Variants in SLCO3A1 observed in about 807,000 individuals in gnomAD.
The protein encoded by SLCO3A1 is PGE1 transporter.
Under a neutral mutation model 63.1 loss-of-function variants are expected in SLCO3A1, and 27 were observed. That is an observed-to-expected ratio of 0.43 (90% CI 0.32 to 0.59). SLCO3A1 has a LOEUF of 0.59. Ranked by LOEUF, SLCO3A1 falls within the 20% of genes least tolerant of loss-of-function variation. SLCO3A1 has a pLI of 0.09. For missense variants in SLCO3A1, 773 were observed against 945.8 expected (o/e 0.82, Z 2.40); for synonymous variants, 473 against 409.9 (o/e 1.15, Z -1.86).
chr15:92,114,560 G>T (rs899039207), intron 4 of SLCO3A1, among the ~76,000 whole-genome samples: 2 of 152,108 alleles, frequency 1.3e-5, no homozygotes, highest in African/African-American at 4.8e-5. Context: ...TCTCCTAGGG[G>T]TCACCCCACC....
At chr15:92,034,357 G>T (rs1217785519) in intron 2 of SLCO3A1, among the ~76,000 whole-genome samples, 1 of 86,550 alleles carries the variant, frequency 1.2e-5, no homozygotes, top group South Asian at 3.5e-4. Context: ...GGCTGGGGTG[G>T]GGTGTTTGGA....
chr15:92,089,047 A>T (rs1022342254), intron 2 of SLCO3A1, among the ~76,000 whole-genome samples: 5 of 150,454 alleles, frequency 3.3e-5, no homozygotes, highest in Non-Finnish European at 5.9e-5. Context: ...TTATTTTGAG[A>T]TGGAGTCTGT....
chr15:91,888,172 AGGGCTGGCTGGGAGTCAG>A (rs1328305013), intron 1 of SLCO3A1, among the ~76,000 whole-genome samples: 1 of 152,178 alleles, frequency 6.6e-6, no homozygotes, highest in Non-Finnish European at 1.5e-5. Context: ...TGCAAAGTGA[AGGGCTGGCTGGGAGTCAG>A]GAGCTGGAAG....
chr15:91,941,554 G>A lies in SLCO3A1; in HGVS notation c.646+25096G>A. Reference sequence around the variant, plus strand: ...AGCCTCACTTTCTTGGCAATTAGATGAACCAGAGGTTTATTTCACTCAGTA... The same window carrying A: ...AGCCTCACTTTCTTGGCAATTAGATAAACCAGAGGTTTATTTCACTCAGTA... On this transcript the variant is annotated intron_variant, in intron 2 of 9. Coordinates refer to ENST00000318445, the MANE Select transcript of SLCO3A1 (RefSeq NM_013272.4). This position sits in a 1 kb window ranked among gnomAD's most constrained non-coding sequence, Gnocchi z 4.4. 2.2e-6 allele frequency: 1 copy of A among 455,992 alleles called. No individual in the cohort carries two copies. The highest frequency in any genetic ancestry group is 1.5e-5 in the South Asian group (1 of 64,548). 28.2% of individuals were successfully genotyped at this position (455,992 alleles called of 1,614,324 possible). A position where few individuals can be genotyped will look rare whatever the true frequency, so the allele number is the denominator to read the frequency against.
chr15:92,093,452 A>G (rs1030204864), intron 2 of SLCO3A1, among the ~76,000 whole-genome samples: 8 of 152,032 alleles, frequency 5.3e-5, no homozygotes, highest in African/African-American at 1.7e-4. Context: ...ATGATCTAAT[A>G]CCTCCCACTA....
Position 92,164,337 on chromosome 15 carries a change from G to A in SLCO3A1, c.*1202G>A. 1.0e-6 allele frequency: 1 copy of A among 985,286 alleles called. No individual in the cohort carries two copies. Among genetic ancestry groups the A allele is most frequent in the Non-Finnish European group, 1.2e-6 (1 of 829,810 alleles). 61.0% of individuals were successfully genotyped at this position (985,286 alleles called of 1,614,324 possible). A position where few individuals can be genotyped will look rare whatever the true frequency, so the allele number is the denominator to read the frequency against. On this transcript the variant is annotated 3_prime_UTR_variant, in exon 10 of 10. Transcript: ENST00000318445. Reference sequence around the variant, plus strand: ...AAGAAAAAAAAATGCTTCAAAAAGAGAGTGTATATGCAGCCTGCCTTTAAA... The same window carrying A: ...AAGAAAAAAAAATGCTTCAAAAAGAAAGTGTATATGCAGCCTGCCTTTAAA...
At chr15:91,976,823 T>C (rs1024346884) in intron 2 of SLCO3A1, among the ~76,000 whole-genome samples, 2 of 151,994 alleles carry the variant, frequency 1.3e-5, no homozygotes, top group Non-Finnish European at 2.9e-5. Flanking sequence ...TGCAAATAGG[T>C]GTGGGTCACA....
intron 2 of SLCO3A1, among the ~76,000 whole-genome samples, chr15:92,073,352 G>C (rs943947095): frequency 1.4e-4 from 22 of 152,182 alleles, no homozygotes; most frequent in Non-Finnish European, 2.2e-4. Context: ...AAAAGGTGTT[G>C]AGATGTTATG....
chr15:91,963,404 A>AGGGCGGGGGGG (rs1176735786), intron 2 of SLCO3A1, among the ~76,000 whole-genome samples: 2 of 3,152 alleles, frequency 6.3e-4, no homozygotes, highest in African/African-American at 2.6e-3. Context: ...TAACTCGGGG[A>AGGGCGGGGGGG]GGGTGGGGGG....
Position 91,967,438 on chromosome 15 carries a change from C to T in SLCO3A1, c.646+50980C>T, listed in dbSNP as rs1282055368. Among the ~76,000 whole-genome samples, 1 of 152,186 alleles carries T rather than the reference C, an allele frequency of 6.6e-6. No homozygotes were observed. The highest frequency in any genetic ancestry group is 1.5e-5 in the Non-Finnish European group (1 of 68,036). Reference sequence around the variant, plus strand: ...TGGTGATCTGTGGTAGAATGTCCCTCCTCTGGTTATGCTTTTCTTTGGCTA... The same window carrying T: ...TGGTGATCTGTGGTAGAATGTCCCTTCTCTGGTTATGCTTTTCTTTGGCTA... On this transcript the variant is annotated intron_variant, in intron 2 of 9. Transcript: ENST00000318445. The surrounding 1 kb of genome is among the most constrained non-coding windows in gnomAD (Gnocchi z 4.4).
intron 1 of SLCO3A1, among the ~76,000 whole-genome samples, chr15:91,889,962 T>C (rs1331014335): frequency 6.6e-6 from 1 of 152,218 alleles, no homozygotes; most frequent in Admixed American, 6.5e-5. Flanking sequence ...CAGCATTAAT[T>C]TCTTGCTAGA....
At chr15:91,873,116 C>G (rs1399003410) in intron 1 of SLCO3A1, among the ~76,000 whole-genome samples, 2 of 152,242 alleles carry the variant, frequency 1.3e-5, no homozygotes, top group African/African-American at 4.8e-5. Context: ...TTAGTGTTTA[C>G]TTGTTCAACA....
chr15:92,001,206 G>C (rs1373612441), intron 2 of SLCO3A1, among the ~76,000 whole-genome samples: 1 of 148,814 alleles, frequency 6.7e-6, no homozygotes, highest in African/African-American at 2.5e-5. Context: ...AGGACCAGGT[G>C]GGTGGGCGGG....
At chr15:92,122,232 A>G (rs996134510) in intron 5 of SLCO3A1, among the ~76,000 whole-genome samples, 2 of 152,134 alleles carry the variant, frequency 1.3e-5, no homozygotes, top group Non-Finnish European at 2.9e-5. Flanking sequence ...GGGACACGTG[A>G]TGGAAGCTAC....
At position 91,967,150 on chromosome 15, in the gene SLCO3A1, T is replaced by A. The variant is rs547208929; in HGVS notation, c.646+50692T>A. ...AAATACCTCATTCTATTTGTGCTGCTTTTTATCCTTTCTAAAAAAACAAAA... is the reference window on the plus strand; with the variant it reads ...AAATACCTCATTCTATTTGTGCTGCATTTTATCCTTTCTAAAAAAACAAAA... On this transcript the variant is annotated intron_variant, in intron 2 of 9. Transcript: ENST00000318445. This position sits in a 1 kb window ranked among gnomAD's most constrained non-coding sequence, Gnocchi z 4.4. Among the ~76,000 whole-genome samples the A allele has an allele frequency of 2.0e-5, 3 of 152,328 alleles. No individual in the cohort carries two copies. The East Asian group carries it at 5.8e-4, about 29-fold the overall frequency.
At chr15:91,934,977 CAG>C (rs1405245097) in intron 2 of SLCO3A1, among the ~76,000 whole-genome samples, 3 of 152,056 alleles carry the variant, frequency 2.0e-5, no homozygotes, top group Non-Finnish European at 4.4e-5. Flanking sequence ...GTTTTTGAGA[CAG>C]AGTCTCGCTT....
intron 3 of SLCO3A1, among the ~76,000 whole-genome samples, chr15:92,096,204 C>A (rs1338476700): frequency 2.6e-5 from 4 of 152,082 alleles, no homozygotes; most frequent in Non-Finnish European, 5.9e-5. Context: ...TGCCATGGGC[C>A]CACAGGAGGG....
Position 91,916,021 on chromosome 15 carries a change from G to C in SLCO3A1, c.209G>C (p.Arg70Thr). ...LVSVLTTLERRFNLQSADVGV... is the reference protein window; with the variant it reads ...LVSVLTTLERTFNLQSADVGV... ...AGCGTCCTGACCACCCTGGAGCGTA[G>C]GTTCAACCTGCAGAGCGCTGACGTG... The change falls in exon 2 of 10, where the codon AGG becomes ACG. Residue 70 changes from arginine (R) to threonine (T), a missense_variant. Coordinates refer to ENST00000318445, the MANE Select transcript of SLCO3A1 (RefSeq NM_013272.4). The surrounding 1 kb of genome is among the most constrained non-coding windows in gnomAD (Gnocchi z 6.2). 6.2e-7 allele frequency: 1 copy of C among 1,613,326 alleles called. No homozygotes were observed. Among genetic ancestry groups the C allele is most frequent in the Non-Finnish European group, 8.5e-7 (1 of 1,179,944 alleles).
At chr15:92,050,008 A>AG (rs1567089912) in intron 2 of SLCO3A1, among the ~76,000 whole-genome samples, 1 of 152,212 alleles carries the variant, frequency 6.6e-6, no homozygotes, top group African/African-American at 2.4e-5. Flanking sequence ...GCAGGCCCCT[A>AG]GATGCCCAGA....
Sources: allele counts gnomAD v4.1 joint callset (sites outside exome capture counted in the v4.1 genomes callset), GRCh38; gene constraint gnomAD v4.1.1; non-coding constraint Gnocchi (gnomAD v3.1); transcripts MANE v1.5; gene names NCBI Gene and HGNC (gene_info 2026-07-23, HGNC 2026-07-21).